The following DHX29 variants were observed in gnomAD, a reference collection of about 807,000 sequenced individuals.
The protein encoded by DHX29 is DExH-box helicase 29.
A neutral mutation model predicts 167.9 loss-of-function variants in DHX29; 79 were observed. The observed-to-expected ratio is 0.47, with a 90% confidence interval of 0.39 to 0.57. DHX29 has a LOEUF of 0.57. Ranked by LOEUF, DHX29 falls within the 20% of genes least tolerant of loss-of-function variation. DHX29 has a pLI of 0.00. For synonymous variants in DHX29, 530 were observed against 546.0 expected (o/e 0.97, Z 0.41); for missense variants, 1,347 against 1,593.4 (o/e 0.85, Z 2.63).
intron 16 of DHX29, among the ~76,000 whole-genome samples, chr5:55,274,071 A>G (rs1746982245): frequency 6.7e-6 from 1 of 148,360 alleles, no homozygotes; most frequent in South Asian, 2.1e-4. Flanking sequence ...TGGCCGACAG[A>G]GCAAGACTCT....
chr5:55,260,259 T>C (rs1408708849), intron 25 of DHX29, among the ~76,000 whole-genome samples: 2 of 151,318 alleles, frequency 1.3e-5, no homozygotes, highest in African/African-American at 4.9e-5. Flanking sequence ...TGAGATGGAG[T>C]CTCTCTCTGT....
intron 13 of DHX29, among the ~76,000 whole-genome samples, chr5:55,276,662 G>T (rs1253025400): frequency 2.6e-5 from 4 of 152,130 alleles, no homozygotes; most frequent in Non-Finnish European, 4.4e-5. Context: ...AGAATAGATT[G>T]TATCAGCTGA....
chr5:55,295,532 TA>T lies in DHX29; in HGVS notation c.506-9del. The stretch of plus-strand genomic sequence containing the variant: ...ATCCTTCAGGAAGTGCATCTTAAAA[TA>T]AAAGAAACTATGCTGAAAATAAACA... On this transcript the variant is annotated splice_polypyrimidine_tract_variant and intron_variant, in intron 4 of 26. Coordinates refer to ENST00000251636, the MANE Select transcript of DHX29 (RefSeq NM_019030.4). 1 of 1,608,012 alleles carries T rather than the reference TA, an allele frequency of 6.2e-7. No individual in the cohort carries two copies.
At chr5:55,301,725 A>C (rs1014552688) in intron 1 of DHX29, among the ~76,000 whole-genome samples, 1 of 151,442 alleles carries the variant, frequency 6.6e-6, no homozygotes, top group East Asian at 1.9e-4. Context: ...AAAAAAAAAA[A>C]AAAAAAAAAA....
chr5:55,268,860 G>T (rs1452464564), intron 21 of DHX29, among the ~76,000 whole-genome samples: 2 of 152,150 alleles, frequency 1.3e-5, no homozygotes, highest in Non-Finnish European at 2.9e-5. Context: ...AAAGCTGGTA[G>T]TGTTCAAAGC....
At chr5:55,291,324 C>A (rs1561163169) in intron 6 of DHX29, among the ~76,000 whole-genome samples, 1 of 152,134 alleles carries the variant, frequency 6.6e-6, no homozygotes, top group African/African-American at 2.4e-5. Flanking sequence ...GAAAAAGAGA[C>A]AATTAAGCAA....
At chr5:55,285,883 G>T (rs200311524) in intron 8 of DHX29, 22 bp from the exon 9 acceptor site, 1 of 1,519,704 alleles carries the variant, frequency 6.6e-7, no homozygotes, top group East Asian at 2.3e-5. Flanking sequence ...AACAAAGATT[G>T]GTTCTTTAAA....
chr5:55,291,967 A>G (rs1028960041), intron 6 of DHX29, among the ~76,000 whole-genome samples: 1 of 152,204 alleles, frequency 6.6e-6, no homozygotes, highest in Non-Finnish European at 1.5e-5. Flanking sequence ...TATTGTGAAT[A>G]ATGCTGCTAT....
At chr5:55,283,128 T>C (rs1747519038) in intron 11 of DHX29, 75 bp downstream of exon 11, 13 of 1,488,182 alleles carry the variant, frequency 8.7e-6, no homozygotes, top group Non-Finnish European at 1.2e-5. Context: ...ATGGTACACA[T>C]TCCATTTGGA....
chr5:55,301,761 T>C (rs978898681), intron 1 of DHX29, among the ~76,000 whole-genome samples: 23 of 145,248 alleles, frequency 1.6e-4, no homozygotes, highest in Admixed American at 4.8e-4. Flanking sequence ...GAATCATAAA[T>C]CTAGTTGCAT....
chr5:55,269,542 T>C lies in DHX29; in HGVS notation c.3165A>G (p.Lys1055=). 6.2e-7 allele frequency: 1 copy of C among 1,614,060 alleles called. No homozygotes were observed. The highest frequency in any genetic ancestry group is 8.5e-7 in the Non-Finnish European group (1 of 1,180,004). Residue 1055 remains lysine, a synonymous_variant, in exon 21 of 27, where the codon AAA becomes AAG. Transcript: ENST00000251636. Reference sequence around the variant, plus strand: ...GCTCATTTAATTCACAAGCTCCAATTTTTCGGAGCAAATTCATTGCATTGC... The same window carrying C: ...GCTCATTTAATTCACAAGCTCCAATCTTTCGGAGCAAATTCATTGCATTGC... ...VISNAMNLLR[K]IGACELNEPK...
In DHX29 at chr5:55,267,777, G is replaced by A; in HGVS notation, c.3340C>T (p.Pro1114Ser). The A allele has an allele frequency of 6.2e-7, 1 of 1,608,786 alleles. No individual in the cohort carries two copies. Among genetic ancestry groups the A allele is most frequent in the Non-Finnish European group, 8.5e-7 (1 of 1,177,154 alleles). ...VMTEKSPFTT[P>S]IGRKDEADLA... is the part of the protein sequence containing the mutation. ...TCTGCTTCATCTTTTCGACCAATTG[G>A]TGTGGTAAAAGGAGACTTCTCTGTC... is the stretch of plus-strand genomic sequence containing the variant. The change falls in exon 22 of 27, where the codon CCA (proline) becomes TCA (serine). Residue 1114 changes from proline (P) to serine (S), a missense_variant. Transcript: ENST00000251636.
chr5:55,301,506 G>C (rs1748597013), intron 1 of DHX29, among the ~76,000 whole-genome samples: 1 of 151,738 alleles, frequency 6.6e-6, no homozygotes, highest in Admixed American at 6.6e-5. Context: ...CTGAGGTCAG[G>C]AGTTCAAGAC....
At chr5:55,293,707 C>T (rs537109286) in intron 6 of DHX29, among the ~76,000 whole-genome samples, 211 of 152,166 alleles carry the variant, frequency 1.4e-3, no homozygotes, top group African/African-American at 4.7e-3. Context: ...CTCTCTAGAC[C>T]GTGAACTTCT....
chr5:55,276,564 G>A (rs1428299473), intron 13 of DHX29, among the ~76,000 whole-genome samples, 158 bp from the exon 14 acceptor site: 1 of 152,080 alleles, frequency 6.6e-6, no homozygotes, highest in Non-Finnish European at 1.5e-5. Flanking sequence ...TGAAGACTTG[G>A]TTGACATAGA....
In DHX29 at chr5:55,295,414, T is replaced by C; in HGVS notation, c.616A>G (p.Lys206Glu). Reference protein sequence around the residue: ...QATISPPLQPKTKTYEEDPKS... With the variant: ...QATISPPLQPETKTYEEDPKS... ...GGGTCCTCTTCATATGTTTTTGTTT[T>C]AGGTTGCAATGGAGGTGAAATAGTG... Residue 206 changes from lysine to glutamate, a missense_variant, in exon 5 of 27, where the codon AAA (lysine) becomes GAA (glutamate). By Grantham distance (56) the Lys-to-Glu change is moderately conservative. Around this residue, in one of 3 missense-constraint regions of DHX29, gnomAD observed 405 missense variants for 416.8 expected, o/e 0.97. Coordinates refer to ENST00000251636, the MANE Select transcript of DHX29 (RefSeq NM_019030.4). 6.2e-7 allele frequency: 1 copy of C among 1,613,590 alleles called. No homozygotes were observed. The highest frequency in any genetic ancestry group is 8.5e-7 in the Non-Finnish European group (1 of 1,179,526).
At chr5:55,264,870 A>G (rs141058347) in intron 23 of DHX29, among the ~76,000 whole-genome samples, 64 of 152,302 alleles carry the variant, frequency 4.2e-4, no homozygotes, top group African/African-American at 1.5e-3. Context: ...TCAAATATTG[A>G]TAAGGAAAAA....
chr5:55,277,322 G>A, intron 12 of DHX29, 40 bp from the exon 13 acceptor site: 1 of 1,381,760 alleles, frequency 7.2e-7, no homozygotes, highest in Admixed American at 2.1e-5. Context: ...ATCATATATT[G>A]TATAAATTCT....
At chr5:55,296,509 G>T (rs1215166440) in intron 3 of DHX29, among the ~76,000 whole-genome samples, 160 bp from the exon 4 acceptor site, 1 of 151,958 alleles carries the variant, frequency 6.6e-6, no homozygotes, top group East Asian at 1.9e-4. Context: ...ACTGAATTAA[G>T]AATTTGGAAA....
Sources: allele counts gnomAD v4.1 joint callset (sites outside exome capture counted in the v4.1 genomes callset), GRCh38; gene constraint gnomAD v4.1.1; regional missense constraint gnomAD v4.1.1; transcripts MANE v1.5; gene names NCBI Gene and HGNC (gene_info 2026-07-23, HGNC 2026-07-21).